The following GPHN variants were observed in gnomAD, a reference collection of about 807,000 sequenced individuals.
GPHN encodes the protein gephyrin.
Under a neutral mutation model 95.5 loss-of-function variants are expected in GPHN, and 17 were observed. That is an observed-to-expected ratio of 0.18 (90% CI 0.12 to 0.27). The LOEUF is 0.27. GPHN is among the 10% of genes least tolerant of loss of function. The pLI is 1.00. For missense variants in GPHN, 660 were observed against 978.1 expected (o/e 0.67, Z 4.34); for synonymous variants, 320 against 322.5 (o/e 0.99, Z 0.08).
At chr14:67,689,798 G>A in the GPHN span, among the ~76,000 whole-genome samples, 2 of 152,034 alleles carry the variant, frequency 1.3e-5, no homozygotes, top group East Asian at 1.9e-4. Context: ...ACAAAAATTA[G>A]CCAGGCCTGG....
At chr14:66,597,424 G>A (rs571135280) in intron 1 of GPHN, among the ~76,000 whole-genome samples, 2 of 152,304 alleles carry the variant, frequency 1.3e-5, no homozygotes, top group South Asian at 4.1e-4. Context: ...TCCGGAGGGG[G>A]CTGAGGCAGC....
chr14:67,232,227 A>T, the GPHN span, among the ~76,000 whole-genome samples: 1 of 152,012 alleles, frequency 6.6e-6, no homozygotes, highest in South Asian at 2.1e-4. Context: ...TCCCTCTCTT[A>T]AGTCATTTGC....
At chr14:66,949,731 T>G (rs1393841972) in intron 8 of GPHN, among the ~76,000 whole-genome samples, 1 of 152,154 alleles carries the variant, frequency 6.6e-6, no homozygotes, top group African/African-American at 2.4e-5. Flanking sequence ...TTGCTTTAAG[T>G]TTAAACTTTT....
At position 67,144,286 on chromosome 14, in the gene GPHN, T is replaced by TATATATATATATATATATAC. The variant is rs1421893686; in HGVS notation, c.1836+838_1836+839insTATATATATATATATATACA. ...ATATATATATATATATATATATATA[T>TATATATATATATATATATAC]ACACACACACATACACAAATATTTT... On this transcript the variant is annotated intron_variant, in intron 18 of 22. Coordinates refer to ENST00000478722, the MANE Select transcript of GPHN (RefSeq NM_020806.5). 1.5e-3 allele frequency among the ~76,000 whole-genome samples: 119 copies of TATATATATATATATATATAC among 78,102 alleles called. 13 individuals carry two copies. Among genetic ancestry groups the TATATATATATATATATATAC allele is most frequent in the African/African-American group, 6.7e-3 (105 of 15,648 alleles). 51.2% of individuals were successfully genotyped at this position (78,102 alleles called of 152,430 possible).
At chr14:66,779,911 A>G (rs1486607705) in intron 3 of GPHN, among the ~76,000 whole-genome samples, 1 of 152,150 alleles carries the variant, frequency 6.6e-6, no homozygotes, top group Non-Finnish European at 1.5e-5. Flanking sequence ...TCAGCAGAGA[A>G]GAGGTTCTAC....
chr14:67,195,747 G>GTA, the GPHN span, among the ~76,000 whole-genome samples: 43 of 151,874 alleles, frequency 2.8e-4, no homozygotes, highest in Middle Eastern at 3.4e-3. Context: ...GTGTGTGTGT[G>GTA]TGTGTGTGTG....
chr14:66,838,549 GAA>G (rs1180164994), intron 4 of GPHN, among the ~76,000 whole-genome samples: 2 of 152,072 alleles, frequency 1.3e-5, no homozygotes, highest in African/African-American at 4.8e-5. Context: ...CTTGTAAAAT[GAA>G]AAGAGGCTAG....
intron 1 of GPHN, among the ~76,000 whole-genome samples, chr14:66,521,949 A>G (rs1428686102): frequency 6.6e-6 from 1 of 152,016 alleles, no homozygotes; most frequent in East Asian, 1.9e-4. Flanking sequence ...TTTTTGCTTC[A>G]TTCTTTTTTT....
intron 4 of GPHN, among the ~76,000 whole-genome samples, chr14:66,825,738 A>C (rs774471515): frequency 6.6e-6 from 1 of 152,216 alleles, no homozygotes; most frequent in Non-Finnish European, 1.5e-5. Context: ...GGTTTTAAAT[A>C]AAATAGTTTT....
the GPHN span, chr14:67,555,966 T>A: frequency 6.4e-7 from 1 of 1,555,228 alleles, no homozygotes; most frequent in Non-Finnish European, 8.7e-7. Flanking sequence ...CGGACACAGG[T>A]GGACACATAC....
intron 9 of GPHN, among the ~76,000 whole-genome samples, chr14:67,016,632 C>T (rs899707066): frequency 3.3e-5 from 5 of 152,196 alleles, no homozygotes; most frequent in Admixed American, 1.3e-4. Context: ...CTAGAAACAT[C>T]CATATTTTGC....
intron 2 of GPHN, among the ~76,000 whole-genome samples, chr14:66,684,563 ATTTACT>A (rs1199045104): frequency 2.6e-5 from 4 of 152,144 alleles, no homozygotes; most frequent in Non-Finnish European, 5.9e-5. Context: ...GTACTCTGTA[ATTTACT>A]TTAACTGTAT....
chr14:66,701,900 G>A (rs759537759), intron 2 of GPHN, among the ~76,000 whole-genome samples: 3 of 152,314 alleles, frequency 2.0e-5, no homozygotes, highest in Non-Finnish European at 2.9e-5. Flanking sequence ...AAGCTCCCTG[G>A]GCGGGGGAAG....
intron 4 of GPHN, among the ~76,000 whole-genome samples, chr14:66,864,726 C>G (rs537593376): frequency 6.7e-4 from 102 of 152,042 alleles, no homozygotes; most frequent in African/African-American, 2.3e-3. Flanking sequence ...TGAGCCGAGA[C>G]TGTGCCACTG....
chr14:67,202,706 T>C, the GPHN span, among the ~76,000 whole-genome samples: 825 of 152,330 alleles, frequency 5.4e-3, 8 homozygotes, highest in African/African-American at 0.018. Flanking sequence ...AGTAACACTT[T>C]AAACTTATGT....
intron 1 of GPHN, among the ~76,000 whole-genome samples, chr14:66,534,850 TGG>T (rs2059079918): frequency 6.6e-6 from 1 of 152,164 alleles, no homozygotes; most frequent in African/African-American, 2.4e-5. Flanking sequence ...CTTTGTCTTA[TGG>T]ATTTATAGGA....
At chr14:67,505,861 A>G in the GPHN span, among the ~76,000 whole-genome samples, 3 of 151,902 alleles carry the variant, frequency 2.0e-5, no homozygotes, top group South Asian at 4.2e-4. Flanking sequence ...CACCATGCCT[A>G]TCTAATTTTT....
chr14:66,842,262 T>A (rs2062130278), intron 4 of GPHN, among the ~76,000 whole-genome samples: 1 of 152,168 alleles, frequency 6.6e-6, no homozygotes, highest in Non-Finnish European at 1.5e-5. Flanking sequence ...CCCCTGATTC[T>A]TTCTCATCCA....
intron 1 of GPHN, among the ~76,000 whole-genome samples, chr14:66,653,910 G>A (rs998181690): frequency 2.6e-5 from 4 of 152,128 alleles, no homozygotes; most frequent in African/African-American, 9.7e-5. Flanking sequence ...TATTAACACA[G>A]TTTTCTTTTC....
Sources: allele counts gnomAD v4.1 joint callset (sites outside exome capture counted in the v4.1 genomes callset), GRCh38; gene constraint gnomAD v4.1.1; transcripts MANE v1.5; gene names NCBI Gene and HGNC (gene_info 2026-07-23, HGNC 2026-07-21).